PIK3C2G: variants seen among roughly 807,000 people sequenced by gnomAD.
PIK3C2G encodes phosphatidylinositol-4-phosphate 3-kinase catalytic subunit type 2 gamma.
In PIK3C2G, 168 loss-of-function variants were observed where a neutral mutation model predicts 181.1. The ratio of observed to expected loss-of-function variants is 0.93; its 90% CI spans 0.82 to 1.05. The LOEUF (loss-of-function observed/expected upper bound fraction) is 1.05, where lower values mean the gene tolerates loss of function less well. Ranked by LOEUF, PIK3C2G falls within the 50% of genes least tolerant of loss-of-function variation. The pLI, the probability that PIK3C2G is intolerant of heterozygous loss-of-function variation, is 0.00. For synonymous variants in PIK3C2G, 573 were observed against 592.2 expected (o/e 0.97, Z 0.47); for missense variants, 1,869 against 1,732.8 (o/e 1.08, Z -1.40).
chr12:18,539,164 T>C (rs1592528445), intron 25 of PIK3C2G, among the ~76,000 whole-genome samples: 1 of 151,832 alleles, frequency 6.6e-6, no homozygotes, highest in African/African-American at 2.4e-5. Context: ...CCTTTCTGGG[T>C]TTCAATCCTA....
chr12:18,395,121 T>C (rs1592148299), intron 15 of PIK3C2G, among the ~76,000 whole-genome samples: 1 of 148,944 alleles, frequency 6.7e-6, no homozygotes, highest in Admixed American at 7.0e-5. Flanking sequence ...CTTTCTCTCT[T>C]TCCCTTCTTT....
At chr12:18,583,866 C>G (rs1385540542) in intron 29 of PIK3C2G, among the ~76,000 whole-genome samples, 2 of 151,974 alleles carry the variant, frequency 1.3e-5, no homozygotes, top group African/African-American at 2.4e-5. Context: ...CTTAACTAGG[C>G]TGAGTTGGCT....
chr12:18,685,454 A>G, the PIK3C2G span: 1 of 207,422 alleles, frequency 4.8e-6, no homozygotes, highest in Non-Finnish European at 1.1e-5. Flanking sequence ...GCAATGCTAC[A>G]CTTGCTATGT....
intron 24 of PIK3C2G, among the ~76,000 whole-genome samples, chr12:18,510,971 A>G (rs1351967521): frequency 6.6e-6 from 1 of 152,114 alleles, no homozygotes; most frequent in Non-Finnish European, 1.5e-5. Context: ...ATACTCTTTG[A>G]TCAATAGCTC....
intron 4 of PIK3C2G, 47 bp downstream of exon 4, chr12:18,291,059 T>C (rs765632435): frequency 8.6e-7 from 1 of 1,158,400 alleles, no homozygotes; most frequent in Non-Finnish European, 1.3e-6. Flanking sequence ...AAAGCTGGTA[T>C]TGGCGACGTA....
At chr12:18,308,392 A>C (rs1253984168) in intron 5 of PIK3C2G, among the ~76,000 whole-genome samples, 1 of 151,818 alleles carries the variant, frequency 6.6e-6, no homozygotes, top group African/African-American at 2.4e-5. Context: ...TCCATAAATT[A>C]TCTCTCTAAA....
chr12:18,258,185 G>C (rs1948167809), upstream of PIK3C2G, among the ~76,000 whole-genome samples: 2 of 151,932 alleles, frequency 1.3e-5, no homozygotes, highest in African/African-American at 2.4e-5. Flanking sequence ...CTTTTATATT[G>C]TATATATTTA....
intron 18 of PIK3C2G, among the ~76,000 whole-genome samples, chr12:18,487,446 A>G (rs999061412): frequency 1.3e-5 from 2 of 152,082 alleles, no homozygotes; most frequent in African/African-American, 4.8e-5. Context: ...TTAAGTATTT[A>G]GTTCTCAGAA....
chr12:18,293,997 C>G lies in PIK3C2G; in HGVS notation c.1016C>G (p.Ser339Cys), dbSNP rs1486918492. 6.4e-7 allele frequency: 1 copy of G among 1,556,038 alleles called. No homozygotes were observed. Among genetic ancestry groups the G allele is most frequent in the Non-Finnish European group, 8.8e-7 (1 of 1,130,956 alleles). Residue 339 changes from serine (S) to cysteine (C), a missense_variant, in exon 5 of 33, where the codon TCT (serine) becomes TGT (cysteine). By Grantham distance (112) the Ser-to-Cys change is moderately radical. Transcript: ENST00000538779. ...PKDHILSVCG[S>C]EEFLQNDHCL... ...GATCATATTCTAAGTGTATGTGGCT[C>G]TGAAGAATTTTTACAAAAGTAAGTA...
At chr12:18,602,127 G>A (rs558214090) in intron 30 of PIK3C2G, among the ~76,000 whole-genome samples, 1 of 152,204 alleles carries the variant, frequency 6.6e-6, no homozygotes, top group Admixed American at 6.5e-5. Flanking sequence ...GCTGGGAGGT[G>A]GAAAGCTTTG....
intron 25 of PIK3C2G, among the ~76,000 whole-genome samples, chr12:18,538,813 G>A (rs982538112): frequency 5.3e-5 from 8 of 151,920 alleles, no homozygotes; most frequent in South Asian, 4.2e-4. Context: ...TCAGCTTTTC[G>A]TGGTATGCAT....
intron 11 of PIK3C2G, among the ~76,000 whole-genome samples, chr12:18,361,932 A>T (rs1454303225): frequency 1.3e-5 from 2 of 151,778 alleles, no homozygotes; most frequent in Non-Finnish European, 2.9e-5. Context: ...GGCTTTGTCC[A>T]CTGTACCATA....
chr12:18,482,947 G>T (rs1939701384), intron 18 of PIK3C2G, among the ~76,000 whole-genome samples: 1 of 152,154 alleles, frequency 6.6e-6, no homozygotes, highest in Non-Finnish European at 1.5e-5. Flanking sequence ...CTGACCCCCA[G>T]TTGGTTTTTC....
At chr12:18,633,706 G>T (rs899169592) in intron 31 of PIK3C2G, among the ~76,000 whole-genome samples, 1 of 152,160 alleles carries the variant, frequency 6.6e-6, no homozygotes, top group African/African-American at 2.4e-5. Flanking sequence ...AATCACTCTA[G>T]CCAGAACTGT....
rs866190502 is a variant in PIK3C2G at position 18,256,114 on chromosome 12, C to T, written c.-79+8032C>T. ...TTATTCTCAGAAGTATTTAATTACC[C>T]TGTAATTATTTTGTAAGAAAGAACT... On this transcript the variant is annotated intron_variant, in intron 1 of 11. Coordinates refer to the PIK3C2G transcript ENST00000535651. 3.3e-5 allele frequency among the ~76,000 whole-genome samples: 5 copies of T among 152,040 alleles called. No homozygotes were observed. The South Asian group carries it at 1.0e-3, about 32-fold the overall frequency.
At chr12:18,454,278 G>A (rs1355477922) in intron 18 of PIK3C2G, among the ~76,000 whole-genome samples, 1 of 152,140 alleles carries the variant, frequency 6.6e-6, no homozygotes, top group Non-Finnish European at 1.5e-5. Flanking sequence ...ATTCTCTCAT[G>A]AGAAATCAAA....
At chr12:18,661,236 A>G in the PIK3C2G span, among the ~76,000 whole-genome samples, 2 of 152,172 alleles carry the variant, frequency 1.3e-5, no homozygotes, top group Non-Finnish European at 2.9e-5. Flanking sequence ...GATTATTTGA[A>G]GAAATAGTAC....
At chr12:18,661,469 G>GA in the PIK3C2G span, among the ~76,000 whole-genome samples, 1 of 151,956 alleles carries the variant, frequency 6.6e-6, no homozygotes, top group Non-Finnish European at 1.5e-5. Flanking sequence ...AGTGCTAAAA[G>GA]AAAAACAACT....
intron 17 of PIK3C2G, among the ~76,000 whole-genome samples, chr12:18,421,814 C>G (rs749971467): frequency 6.6e-6 from 1 of 151,176 alleles, no homozygotes; most frequent in African/African-American, 2.4e-5. Context: ...ATGTCAGTTG[C>G]CTCAGGTTTT....
Sources: allele counts gnomAD v4.1 joint callset (sites outside exome capture counted in the v4.1 genomes callset), GRCh38; gene constraint gnomAD v4.1.1; transcripts MANE v1.5; gene names NCBI Gene and HGNC (gene_info 2026-07-23, HGNC 2026-07-21).